The following CEP170 variants were observed in gnomAD, a reference collection of about 807,000 sequenced individuals.
CEP170 encodes centrosomal protein of 170 kDa.
CEP170 carries 21 observed loss-of-function variants against 151.9 expected under a neutral mutation model. The observed-to-expected ratio is 0.14, with a 90% CI of 0.10 to 0.20. CEP170 has a LOEUF of 0.20. Ranked by LOEUF, CEP170 falls within the 10% of genes least tolerant of loss-of-function variation. The pLI, the probability that CEP170 is intolerant of heterozygous loss-of-function variation, is 1.00. For synonymous variants in CEP170, 356 were observed against 648.8 expected, an observed-to-expected ratio of 0.55 and a Z score of 6.86; for missense variants, 964 against 1,892.9, an observed-to-expected ratio of 0.51 and a Z score of 9.11.
chr1:243,196,823 C>T (rs1296108692), intron 7 of CEP170, among the ~76,000 whole-genome samples: 2 of 152,056 alleles, frequency 1.3e-5, no homozygotes, highest in South Asian at 2.1e-4. Context: ...GAAACTGTAA[C>T]GTACTGACGA....
At position 243,126,560 on chromosome 1, in the gene CEP170, A is replaced by G; in HGVS notation, c.4644T>C (p.Ala1548=). Reference sequence around the variant, plus strand: ...TCTCAAATTCAGCTGCGGCTGAAACAGCAGCAGGATGAAGAGCCCTAGCTT... The same window carrying G: ...TCTCAAATTCAGCTGCGGCTGAAACGGCAGCAGGATGAAGAGCCCTAGCTT... ...QPEARALHPA[A]VSAAAEFENA... is the part of the protein sequence containing the mutation. Residue 1548 remains alanine, a synonymous_variant, in exon 20 of 20, where the codon GCT becomes GCC. Coordinates refer to ENST00000366542, the MANE Select transcript of CEP170 (RefSeq NM_014812.3). 6.3e-7 allele frequency: 1 copy of G among 1,579,178 alleles called. No homozygotes were observed. Among genetic ancestry groups the G allele is most frequent in the Non-Finnish European group, 8.6e-7 (1 of 1,160,794 alleles).
intron 4 of CEP170, among the ~76,000 whole-genome samples, chr1:243,203,982 T>C (rs1038069764): frequency 2.6e-5 from 4 of 152,134 alleles, no homozygotes; most frequent in African/African-American, 9.6e-5. Context: ...GATGATTATC[T>C]TTCCAACTTG....
chr1:243,201,248 T>C (rs1380906471), intron 4 of CEP170, among the ~76,000 whole-genome samples: 1 of 151,994 alleles, frequency 6.6e-6, no homozygotes, highest in Admixed American at 6.6e-5. Flanking sequence ...CTAAAAGAAT[T>C]TGATTACTCA....
At chr1:243,251,809 A>C (rs936045227) in intron 1 of CEP170, among the ~76,000 whole-genome samples, 1 of 152,064 alleles carries the variant, frequency 6.6e-6, no homozygotes, top group Non-Finnish European at 1.5e-5. Flanking sequence ...GTTTTCTTTA[A>C]CTTTGCTTTT....
At chr1:243,134,292 T>C (rs1336418564) in intron 17 of CEP170, among the ~76,000 whole-genome samples, 1 of 152,210 alleles carries the variant, frequency 6.6e-6, no homozygotes, top group Non-Finnish European at 1.5e-5. Context: ...AGAATGTACC[T>C]AATACTTATT....
intron 14 of CEP170, among the ~76,000 whole-genome samples, chr1:243,149,230 A>G (rs539623001): frequency 1.3e-5 from 2 of 152,352 alleles, no homozygotes; most frequent in East Asian, 3.9e-4. Flanking sequence ...ACAAATAAAG[A>G]TGTAATTAAG....
chr1:243,190,080 G>C (rs2060209351), intron 8 of CEP170, among the ~76,000 whole-genome samples: 1 of 151,944 alleles, frequency 6.6e-6, no homozygotes, highest in Non-Finnish European at 1.5e-5. Context: ...ATTAAATCAG[G>C]GACAGTCTTG....
At chr1:243,204,979 A>G (rs2061316101) in intron 4 of CEP170, among the ~76,000 whole-genome samples, 1 of 152,114 alleles carries the variant, frequency 6.6e-6, no homozygotes, top group African/African-American at 2.4e-5. Flanking sequence ...TCAGGCAACA[A>G]AAGACAATGA....
rs55717812 is a variant in CEP170 at position 243,152,135 on chromosome 1, C to T, written c.3911+4086G>A. On this transcript the variant is annotated intron_variant, in intron 14 of 19. Coordinates refer to ENST00000366542, the MANE Select transcript of CEP170 (RefSeq NM_014812.3). The stretch of plus-strand genomic sequence containing the variant: ...GACAATGTACCTGGTTACCTAAGAG[C>T]TCTGATGGAGATGTACACGGTGATT... 4.0e-3 allele frequency among the ~76,000 whole-genome samples: 614 copies of T among 152,218 alleles called. 4 individuals carry two copies. The highest frequency in any genetic ancestry group is 0.014 in the African/African-American group (577 of 41,522).
chr1:243,249,287 G>A (rs572598892), intron 1 of CEP170, among the ~76,000 whole-genome samples: 7 of 152,046 alleles, frequency 4.6e-5, no homozygotes, highest in South Asian at 4.2e-4. Context: ...GCATGGTGGC[G>A]CACACTTGTA....
In CEP170 at chr1:243,126,491, G is replaced by C. The variant is rs1429048521; in HGVS notation, c.4713C>G (p.Phe1571Leu). The C allele has an allele frequency of 1.9e-6, 3 of 1,610,022 alleles. No homozygotes were observed. Among genetic ancestry groups the C allele is most frequent in the Non-Finnish European group, 2.5e-6 (3 of 1,177,836 alleles). Reference sequence around the variant, plus strand: ...CATCTTCCTCTTCCCCATCGGGGTTGAATCTATTGAAATGTATACTGAAAT... The same window carrying C: ...CATCTTCCTCTTCCCCATCGGGGTTCAATCTATTGAAATGTATACTGAAAT... Reference protein sequence around the residue: ...EADFSIHFNRFNPDGEEEDVT... With the variant: ...EADFSIHFNRLNPDGEEEDVT... The change falls in exon 20 of 20, where the codon TTC becomes TTG. Residue 1571 changes from phenylalanine to leucine, a missense_variant. By Grantham distance (22) the Phe-to-Leu change is conservative. Transcript: ENST00000366542.
rs147951744 is a variant in CEP170 at position 243,219,956 on chromosome 1, G to A, written c.195+1768C>T. Among the ~76,000 whole-genome samples, 555 of 152,306 alleles carry A rather than the reference G, an allele frequency of 3.6e-3. 1 individual carries two copies. Among genetic ancestry groups the A allele is most frequent in the African/African-American group, 0.013 (527 of 41,568 alleles). On this transcript the variant is annotated intron_variant, in intron 3 of 19. Coordinates refer to ENST00000366542, the MANE Select transcript of CEP170 (RefSeq NM_014812.3). ...ATACCAGGCTGATCAAGGACACAAAGGCTTATGTGTGGAGAAGGAAGAGAG... is the reference window on the plus strand; with the variant it reads ...ATACCAGGCTGATCAAGGACACAAAAGCTTATGTGTGGAGAAGGAAGAGAG...
intron 14 of CEP170, among the ~76,000 whole-genome samples, chr1:243,146,094 T>C (rs2789207): frequency 7.9e-5 from 12 of 152,226 alleles, no homozygotes; most frequent in Non-Finnish European, 1.5e-4. Context: ...AAACACCACA[T>C]GTTCTCACTT....
chr1:243,194,817 A>ATATTATAT (rs1290664915), intron 7 of CEP170, among the ~76,000 whole-genome samples: 2 of 151,850 alleles, frequency 1.3e-5, no homozygotes, highest in Admixed American at 1.3e-4. Context: ...GTTTAGACTA[A>ATATTATAT]TATTATATTA....
chr1:243,222,577 A>G (rs919337613), intron 2 of CEP170, among the ~76,000 whole-genome samples: 9 of 152,200 alleles, frequency 5.9e-5, no homozygotes, highest in Non-Finnish European at 1.0e-4. Context: ...GTGAATCTGA[A>G]CTTGATCACC....
intron 7 of CEP170, among the ~76,000 whole-genome samples, chr1:243,191,864 A>C (rs2060327200): frequency 6.6e-6 from 1 of 152,198 alleles, no homozygotes; most frequent in Non-Finnish European, 1.5e-5. Flanking sequence ...TGTATATATA[A>C]AAAGTGACAG....
At chr1:243,237,396 T>A (rs1375563496) in intron 1 of CEP170, among the ~76,000 whole-genome samples, 1 of 152,188 alleles carries the variant, frequency 6.6e-6, no homozygotes, top group African/African-American at 2.4e-5. Flanking sequence ...TAAATTTACA[T>A]ATTCATATAT....
chr1:243,227,344 A>G (rs2063382326), intron 1 of CEP170, among the ~76,000 whole-genome samples: 1 of 152,170 alleles, frequency 6.6e-6, no homozygotes, highest in African/African-American at 2.4e-5. Flanking sequence ...AGTGTATATA[A>G]CCAAAATGTG....
chr1:243,212,688 T>TTCTCTC (rs143680660), intron 3 of CEP170, among the ~76,000 whole-genome samples: 19 of 149,906 alleles, frequency 1.3e-4, no homozygotes, highest in African/African-American at 3.4e-4. Context: ...ATTTTCTTTC[T>TTCTCTC]TCTCTCTCTC....
Sources: allele counts gnomAD v4.1 joint callset (sites outside exome capture counted in the v4.1 genomes callset), GRCh38; gene constraint gnomAD v4.1.1; transcripts MANE v1.5; gene names NCBI Gene and HGNC (gene_info 2026-07-23, HGNC 2026-07-21).